SPTBN1: variants seen among roughly 807,000 people sequenced by gnomAD.
The protein encoded by SPTBN1 is spectrin beta, non-erythrocytic 1, also known as spectrin beta chain, non-erythrocytic 1.
SPTBN1 carries 32 observed loss-of-function variants against 266.4 expected under a neutral mutation model. That is an observed-to-expected ratio of 0.12 (90% CI 0.09 to 0.16). The LOEUF is 0.16. Among genes scored for constraint, SPTBN1 ranks in the 10% least tolerant of loss-of-function variants. SPTBN1 has a pLI of 1.00. For missense variants in SPTBN1, 2,296 were observed against 3,067.1 expected, an observed-to-expected ratio of 0.75 and a Z score of 5.94; for synonymous variants, 1,336 against 1,162.2, an observed-to-expected ratio of 1.15 and a Z score of -3.04.
chr2:54,605,472 A>G (rs1294399243), intron 3 of SPTBN1, among the ~76,000 whole-genome samples: 3 of 152,224 alleles, frequency 2.0e-5, no homozygotes, highest in Admixed American at 6.5e-5. Flanking sequence ...TGAGGATTAG[A>G]TGTGATCACA....
chr2:54,501,269 C>T (rs930165707), intron 1 of SPTBN1, among the ~76,000 whole-genome samples: 1 of 152,150 alleles, frequency 6.6e-6, no homozygotes, highest in Non-Finnish European at 1.5e-5. Context: ...TGATAAACTG[C>T]CTCTGGGGCT....
intron 1 of SPTBN1, among the ~76,000 whole-genome samples, chr2:54,470,828 C>A (rs72913043): frequency 6.6e-6 from 1 of 152,152 alleles, no homozygotes; most frequent in South Asian, 2.1e-4. Context: ...CTGTTCTTTT[C>A]GCAGAGTTAA....
intron 2 of SPTBN1, among the ~76,000 whole-genome samples, chr2:54,563,926 C>T (rs180775026): frequency 6.6e-6 from 1 of 152,076 alleles, no homozygotes. Context: ...AGAAATAGAT[C>T]GTTGGATTAT....
chr2:54,627,956 T>A, intron 12 of SPTBN1, 141 bp from the exon 13 acceptor site: 1 of 917,940 alleles, frequency 1.1e-6, no homozygotes, highest in South Asian at 2.2e-5. Flanking sequence ...GGCCATCATC[T>A]TCCCCTGAAG....
chr2:54,584,104 T>TA (rs926529626), intron 2 of SPTBN1, among the ~76,000 whole-genome samples: 2 of 152,238 alleles, frequency 1.3e-5, no homozygotes, highest in Admixed American at 6.5e-5. Context: ...CATTTAAACA[T>TA]ATACATTCGT....
chr2:54,522,693 G>GAGAGAGAGAGAGAGAGAAAGAGAA (rs1558802653), intron 1 of SPTBN1, among the ~76,000 whole-genome samples: 2 of 52,604 alleles, frequency 3.8e-5, no homozygotes, highest in South Asian at 5.0e-4. Flanking sequence ...GAGAGAGAGA[G>GAGAGAGAGAGAGAGAGAAAGAGAA]AGAGAGAAAG....
At chr2:54,485,258 C>T (rs1053895450) in intron 1 of SPTBN1, among the ~76,000 whole-genome samples, 3 of 151,960 alleles carry the variant, frequency 2.0e-5, no homozygotes, top group South Asian at 4.2e-4. Context: ...CTGGACTGTA[C>T]TGCTCCCATC....
intron 1 of SPTBN1, among the ~76,000 whole-genome samples, chr2:54,519,893 G>A (rs980881187): frequency 3.3e-5 from 5 of 152,112 alleles, no homozygotes; most frequent in East Asian, 1.9e-4. Flanking sequence ...AGGTGACTGC[G>A]AAGGTTTGTG....
chr2:54,584,769 G>A (rs1360370151), intron 2 of SPTBN1, among the ~76,000 whole-genome samples: 1 of 152,150 alleles, frequency 6.6e-6, no homozygotes, highest in Non-Finnish European at 1.5e-5. Flanking sequence ...AGCTTCCTAG[G>A]CTATGTCAAG....
At chr2:54,655,264 T>A in intron 28 of SPTBN1, 56 bp downstream of exon 28, 1 of 1,594,038 alleles carries the variant, frequency 6.3e-7, no homozygotes, top group Non-Finnish European at 8.6e-7. Context: ...AAAATGACTT[T>A]GTTTTATATG....
At chr2:54,583,828 T>C (rs1339546896) in intron 2 of SPTBN1, among the ~76,000 whole-genome samples, 1 of 152,224 alleles carries the variant, frequency 6.6e-6, no homozygotes, top group Non-Finnish European at 1.5e-5. Context: ...GCTCTTTTTA[T>C]TCCTACTCAT....
intron 3 of SPTBN1, among the ~76,000 whole-genome samples, chr2:54,604,734 G>T (rs151048023): frequency 2.0e-5 from 3 of 152,304 alleles, no homozygotes; most frequent in Admixed American, 2.0e-4. Flanking sequence ...GCTGGTAAAG[G>T]TTTAGGACTA....
intron 2 of SPTBN1, among the ~76,000 whole-genome samples, chr2:54,557,420 G>T (rs1336982312): frequency 6.8e-6 from 1 of 147,840 alleles, no homozygotes; most frequent in Non-Finnish European, 1.5e-5. Flanking sequence ...GGAGAGAGAG[G>T]GGGGAGATCT....
chr2:54,659,982 G>C lies in SPTBN1; in HGVS notation c.6403G>C (p.Glu2135Gln). Residue 2135 changes from glutamate to glutamine, a missense_variant, in exon 32 of 36, where the codon GAA (glutamate) becomes CAA (glutamine). By Grantham distance (29) the Glu-to-Gln change is conservative. This residue lies in a region of SPTBN1 where 347 missense variants were observed against 368.5 expected (regional missense o/e 0.94). Transcript: ENST00000356805. ...AGTTTCCCAAAACGGTTTGCCAGCT[G>C]AACAGGGATCTCCACGGGTTAGTTA... is the stretch of plus-strand genomic sequence containing the variant. Reference protein sequence around the residue: ...EQVSQNGLPAEQGSPRMAETV... With the variant: ...EQVSQNGLPAQQGSPRMAETV... The C allele has an allele frequency of 6.2e-7, 1 of 1,614,068 alleles. No individual in the cohort carries two copies. Among genetic ancestry groups the C allele is most frequent in the Non-Finnish European group, 8.5e-7 (1 of 1,180,020 alleles).
At chr2:54,585,840 T>C (rs1415397077) in intron 2 of SPTBN1, among the ~76,000 whole-genome samples, 2 of 152,170 alleles carry the variant, frequency 1.3e-5, no homozygotes, top group Non-Finnish European at 1.5e-5. Flanking sequence ...ATGTTGGGTA[T>C]TAGTGTTCTG....
At chr2:54,470,579 A>C (rs906144259) in intron 1 of SPTBN1, among the ~76,000 whole-genome samples, 1 of 152,250 alleles carries the variant, frequency 6.6e-6, no homozygotes, top group African/African-American at 2.4e-5. Flanking sequence ...ATGGCTTCAA[A>C]AAACATTCCA....
intron 1 of SPTBN1, among the ~76,000 whole-genome samples, chr2:54,460,294 A>T (rs564385140): frequency 6.6e-6 from 1 of 151,964 alleles, no homozygotes; most frequent in East Asian, 1.9e-4. Context: ...GTATCAGCAC[A>T]TTTTTTTCCT....
chr2:54,500,194 A>C (rs1669177562), intron 1 of SPTBN1, among the ~76,000 whole-genome samples: 1 of 152,222 alleles, frequency 6.6e-6, no homozygotes, highest in Non-Finnish European at 1.5e-5. Flanking sequence ...TAATCACAAA[A>C]TTTATGTTTG....
chr2:54,481,431 TG>T (rs1558764028), intron 1 of SPTBN1, among the ~76,000 whole-genome samples: 1,457 of 92,554 alleles, frequency 0.016, 31 homozygotes, highest in African/African-American at 0.07. Context: ...TGTGTGTGTG[TG>T]TGTGTGTGTT....
Sources: allele counts gnomAD v4.1 joint callset (sites outside exome capture counted in the v4.1 genomes callset), GRCh38; gene constraint gnomAD v4.1.1; regional missense constraint gnomAD v4.1.1; transcripts MANE v1.5; gene names NCBI Gene and HGNC (gene_info 2026-07-23, HGNC 2026-07-21).